Variants in DIP2C observed in about 807,000 individuals in gnomAD.
The protein encoded by DIP2C is disco-interacting protein 2 homolog C.
A neutral mutation model predicts 192.4 loss-of-function variants in DIP2C; 33 were observed. The ratio of observed to expected loss-of-function variants is 0.17; its 90% confidence interval spans 0.13 to 0.23. DIP2C has a LOEUF of 0.23. DIP2C is among the 10% of genes least tolerant of loss of function. The pLI is 1.00. For synonymous variants in DIP2C, 979 were observed against 864.1 expected, an observed-to-expected ratio of 1.13 and a Z score of -2.33; for missense variants, 1,537 against 2,110.1, an observed-to-expected ratio of 0.73 and a Z score of 5.32.
At chr10:604,411 G>C (rs1057508591) in intron 1 of DIP2C, among the ~76,000 whole-genome samples, 1 of 152,200 alleles carries the variant, frequency 6.6e-6, no homozygotes, top group Non-Finnish European at 1.5e-5. Context: ...TAGATGGAGG[G>C]ATGAACACAT....
intron 1 of DIP2C, among the ~76,000 whole-genome samples, chr10:508,673 C>A (rs571112854): frequency 6.6e-6 from 1 of 152,240 alleles, no homozygotes; most frequent in South Asian, 2.1e-4. Context: ...AAAGCTGGCC[C>A]CACGTATTTT....
chr10:444,513 T>C (rs1272797181), intron 3 of DIP2C, among the ~76,000 whole-genome samples: 2 of 151,620 alleles, frequency 1.3e-5, no homozygotes, highest in Non-Finnish European at 2.9e-5. Flanking sequence ...TCATGAGGAG[T>C]GTTTCTTGGT....
intron 3 of DIP2C, among the ~76,000 whole-genome samples, chr10:453,128 C>T (rs1013317695): frequency 5.3e-5 from 8 of 152,286 alleles, no homozygotes; most frequent in African/African-American, 1.4e-4. Context: ...CCCTTGAAAA[C>T]ACAATATCCT....
chr10:366,550 C>G (rs749253146), intron 18 of DIP2C, 139 bp from the exon 19 acceptor site: 1 of 1,180,246 alleles, frequency 8.5e-7, no homozygotes, highest in Non-Finnish European at 1.2e-6. Flanking sequence ...TGGTAGTCAG[C>G]CAGGCACTCA....
chr10:321,648 C>T (rs1170295848), intron 31 of DIP2C, among the ~76,000 whole-genome samples: 2 of 86,976 alleles, frequency 2.3e-5, no homozygotes, highest in Non-Finnish European at 4.4e-5. Flanking sequence ...GGCGAGAGAC[C>T]GGCGCTGTTA....
chr10:373,539 C>G (rs1457315563), intron 17 of DIP2C, among the ~76,000 whole-genome samples: 1 of 152,172 alleles, frequency 6.6e-6, no homozygotes, highest in East Asian at 1.9e-4. Flanking sequence ...AGTCTCAGAA[C>G]ATGTCTGGGG....
At chr10:440,520 T>C (rs1343849125) in intron 4 of DIP2C, among the ~76,000 whole-genome samples, 1 of 152,232 alleles carries the variant, frequency 6.6e-6, no homozygotes, top group Non-Finnish European at 1.5e-5. Context: ...TTTGAGAACA[T>C]GTATGCACCA....
chr10:491,241 G>A (rs1209260795), intron 1 of DIP2C, among the ~76,000 whole-genome samples: 2 of 152,240 alleles, frequency 1.3e-5, no homozygotes, highest in East Asian at 1.9e-4. Flanking sequence ...TCCACAGCGT[G>A]GCTCAGCTCC....
chr10:522,252 A>G (rs1282806618), intron 1 of DIP2C, among the ~76,000 whole-genome samples: 1 of 152,182 alleles, frequency 6.6e-6, no homozygotes, highest in Non-Finnish European at 1.5e-5. Flanking sequence ...CTTTTCATGG[A>G]TTAGTGGTCC....
At chr10:408,153 T>C (rs1964942239) in intron 9 of DIP2C, among the ~76,000 whole-genome samples, 1 of 150,436 alleles carries the variant, frequency 6.6e-6, no homozygotes, top group Admixed American at 6.6e-5. Flanking sequence ...GCCTTCATTC[T>C]CTTGCAGGTG....
intron 3 of DIP2C, among the ~76,000 whole-genome samples, chr10:456,974 A>G (rs1969353644): frequency 6.6e-6 from 1 of 152,126 alleles, no homozygotes; most frequent in Admixed American, 6.5e-5. Context: ...GCAAAAACAT[A>G]CTTCATTTCT....
chr10:490,765 A>C (rs1398683360), intron 1 of DIP2C, among the ~76,000 whole-genome samples: 1 of 152,258 alleles, frequency 6.6e-6, no homozygotes, highest in Non-Finnish European at 1.5e-5. Flanking sequence ...CATTAAAAAA[A>C]CGCCACTTAT....
intron 22 of DIP2C, among the ~76,000 whole-genome samples, chr10:361,017 G>C (rs187089732): frequency 6.6e-6 from 1 of 152,122 alleles, no homozygotes; most frequent in African/African-American, 2.4e-5. Flanking sequence ...CTGGGGCCCC[G>C]GGGCAGGGGA....
At chr10:455,250 A>G (rs1969193233) in intron 3 of DIP2C, among the ~76,000 whole-genome samples, 1 of 152,170 alleles carries the variant, frequency 6.6e-6, no homozygotes. Context: ...AGGAACAGTG[A>G]GTCCCTGCCT....
At chr10:491,174 G>A (rs961796844) in intron 1 of DIP2C, among the ~76,000 whole-genome samples, 8 of 152,178 alleles carry the variant, frequency 5.3e-5, no homozygotes, top group Non-Finnish European at 1.0e-4. Flanking sequence ...CTCAAGACAC[G>A]GACACTTGGG....
chr10:424,355 GTTTTTT>G (rs557255878), intron 4 of DIP2C, among the ~76,000 whole-genome samples: 46 of 83,124 alleles, frequency 5.5e-4, no homozygotes, highest in South Asian at 3.6e-3. Flanking sequence ...ATCACCTTGG[GTTTTTT>G]TTTTTTTTTT....
chr10:398,808 A>T (rs1964188349), intron 10 of DIP2C, among the ~76,000 whole-genome samples: 1 of 152,290 alleles, frequency 6.6e-6, no homozygotes, highest in African/African-American at 2.4e-5. Context: ...ATAATTAAAA[A>T]AAAACTATCA....
intron 1 of DIP2C, among the ~76,000 whole-genome samples, chr10:582,324 C>T (rs1224459299): frequency 6.6e-6 from 1 of 152,218 alleles, no homozygotes; most frequent in African/African-American, 2.4e-5. Context: ...GCCATGCACC[C>T]AACCCAAATA....
Position 276,259 on chromosome 10 carries a change from T to G in DIP2C, c.*1066A>C, listed in dbSNP as rs1954511304. On this transcript the variant is annotated 3_prime_UTR_variant, in exon 37 of 37. Transcript: ENST00000280886. Reference sequence around the variant, plus strand: ...AAATAGTGCACATTGAGCTTTGAATTCTTTTGCCATCCTTGAGATGGCAAT... The same window carrying G: ...AAATAGTGCACATTGAGCTTTGAATGCTTTTGCCATCCTTGAGATGGCAAT... 6.6e-6 allele frequency: 1 copy of G among 152,648 alleles called. No individual in the cohort carries two copies. The highest frequency in any genetic ancestry group is 2.4e-5 in the African/African-American group (1 of 41,456). The allele number at this position is 152,648 out of a possible 1,614,324, so 9.5% of individuals were successfully genotyped here. A position where few individuals can be genotyped will look rare whatever the true frequency, so the allele number is the denominator to read the frequency against.
Sources: allele counts gnomAD v4.1 joint callset (sites outside exome capture counted in the v4.1 genomes callset), GRCh38; gene constraint gnomAD v4.1.1; transcripts MANE v1.5; gene names NCBI Gene and HGNC (gene_info 2026-07-23, HGNC 2026-07-21).